EMX2: variants seen among roughly 807,000 people sequenced by gnomAD.
The protein encoded by EMX2 is empty spiracles homeobox 2.
A neutral mutation model predicts 23.0 loss-of-function variants in EMX2; 6 were observed. The observed-to-expected ratio is 0.26, with a 90% CI of 0.14 to 0.52. The LOEUF (loss-of-function observed/expected upper bound fraction) is 0.52, where lower values mean the gene tolerates loss of function less well. Ranked by LOEUF, EMX2 falls within the 20% of genes least tolerant of loss-of-function variation. The pLI, the probability that EMX2 is intolerant of heterozygous loss-of-function variation, is 0.97. For missense variants in EMX2, 302 were observed against 341.4 expected (o/e 0.88, Z 0.91); for synonymous variants, 175 against 153.3 (o/e 1.14, Z -1.04).
chr10:117,548,599 G>T lies in EMX2; in HGVS notation c.*367G>T. 2.0e-6 allele frequency: 1 copy of T among 499,644 alleles called. No individual in the cohort carries two copies. The highest frequency in any genetic ancestry group is 4.0e-5 in the South Asian group (1 of 24,890). 31.0% of individuals were successfully genotyped at this position (499,644 alleles called of 1,614,324 possible). ...AAGCTGAACGTGCACTCTGACAAGG[G>T]GAGCTGTCAATCAAACACCAAACCG... On this transcript the variant is annotated 3_prime_UTR_variant, in exon 3 of 3. Coordinates refer to ENST00000553456, the MANE Select transcript of EMX2 (RefSeq NM_004098.4).
Position 117,548,553 on chromosome 10 carries a change from AG to A in EMX2, c.*322del. 1 of 66,142 alleles carries A rather than the reference AG, an allele frequency of 1.5e-5. No individual in the cohort carries two copies. The highest frequency in any genetic ancestry group is 2.7e-5 in the Non-Finnish European group (1 of 37,486). The allele number at this position is 66,142 out of a possible 1,614,324, so 4.1% of individuals were successfully genotyped here. A position where few individuals can be genotyped will look rare whatever the true frequency, so the allele number is the denominator to read the frequency against. ...GAGAGAGAGAAAGAGAGAGAAAGAG[AG>A]AGAGAGAGAGAGAGAGAGAAAGCTG... On this transcript the variant is annotated 3_prime_UTR_variant, in exon 3 of 3. Transcript: ENST00000553456.
chr10:117,547,929 A>G (rs957376367), intron 2 of EMX2, 136 bp from the exon 3 acceptor site: 13 of 1,269,064 alleles, frequency 1.0e-5, no homozygotes, highest in Admixed American at 2.0e-5. Flanking sequence ...GGGAGGCTGG[A>G]CCTTAGGACT....
Position 117,543,668 on chromosome 10 carries a change from T to G in EMX2, c.401T>G (p.Phe134Cys), listed in dbSNP as rs565883191. Residue 134 changes from phenylalanine (F) to cysteine (C), a missense_variant, in exon 1 of 3, where the codon TTC (phenylalanine) becomes TGC (cysteine). Around this residue, in one of 4 missense-constraint regions of EMX2, gnomAD observed 221 missense variants for 206.8 expected, o/e 1.07. Transcript: ENST00000553456. Reference sequence around the variant, plus strand: ...CGCTACCGATATCTGGGTCATCGCTTCCAAGGTACGTGCCACGTCGCGGAA... The same window carrying G: ...CGCTACCGATATCTGGGTCATCGCTGCCAAGGTACGTGCCACGTCGCGGAA... ...IHRYRYLGHR[F>C]QGNDTSPESF... The G allele has an allele frequency of 3.1e-6, 5 of 1,613,432 alleles. No individual in the cohort carries two copies. The highest frequency in any genetic ancestry group is 1.1e-5 in the South Asian group (1 of 91,074).
chr10:117,546,904 C>G (rs1017719222), intron 2 of EMX2, among the ~76,000 whole-genome samples: 1 of 152,240 alleles, frequency 6.6e-6, no homozygotes, highest in Non-Finnish European at 1.5e-5. Context: ...GAGAGCAAGA[C>G]GGACCGGCCT....
chr10:117,547,094 T>C (rs1846589124), intron 2 of EMX2, among the ~76,000 whole-genome samples: 1 of 152,154 alleles, frequency 6.6e-6, no homozygotes, highest in Non-Finnish European at 1.5e-5. Flanking sequence ...TACTGTCTGG[T>C]GGCTAAATGA....
At chr10:117,544,892 C>G (rs181158316) in intron 1 of EMX2, 47 of 152,310 alleles carry the variant, frequency 3.1e-4, no homozygotes, top group African/African-American at 1.1e-3. Flanking sequence ...CTTATGGTCC[C>G]CTCACCAGAC....
intron 2 of EMX2, 58 bp downstream of exon 2, chr10:117,545,874 G>A (rs564212933): frequency 1.2e-6 from 2 of 1,610,210 alleles, no homozygotes; most frequent in East Asian, 2.2e-5. Flanking sequence ...CCCCAAAGCT[G>A]GCTCCCAAGC....
At chr10:117,545,610 A>T in intron 1 of EMX2, 22 bp from the exon 2 acceptor site, 1 of 1,613,324 alleles carries the variant, frequency 6.2e-7, no homozygotes, top group Non-Finnish European at 8.5e-7. Flanking sequence ...CCCTAATGGG[A>T]TTTCTGCTGT....
At position 117,543,258 on chromosome 10, in the gene EMX2, T is replaced by G; in HGVS notation, c.-10T>G. The G allele has an allele frequency of 6.7e-7, 1 of 1,493,434 alleles. No individual in the cohort carries two copies. 92.5% of individuals were successfully genotyped at this position (1,493,434 alleles called of 1,614,324 possible). A position where few individuals can be genotyped will look rare whatever the true frequency, so the allele number is the denominator to read the frequency against. On this transcript the variant is annotated 5_prime_UTR_variant, in exon 1 of 3. Coordinates refer to ENST00000553456, the MANE Select transcript of EMX2 (RefSeq NM_004098.4). ...GCTGGGAGCCCAGGGCGCCCGCTCCTCGGCGCAGCATGTTCCAGCCGGCGC... is the reference window on the plus strand; with the variant it reads ...GCTGGGAGCCCAGGGCGCCCGCTCCGCGGCGCAGCATGTTCCAGCCGGCGC...
intron 1 of EMX2, among the ~76,000 whole-genome samples, 184 bp from the exon 2 acceptor site, chr10:117,545,448 G>A (rs749685558): frequency 5.0e-4 from 76 of 152,320 alleles, no homozygotes; most frequent in Non-Finnish European, 7.6e-4. Flanking sequence ...CGGCGTTCCG[G>A]GCCGGGCAGC....
rs1846617678 is a variant in EMX2 at position 117,548,749 on chromosome 10, C to T, written c.*517C>T. The T allele has an allele frequency of 2.5e-6, 1 of 405,976 alleles. No homozygotes were observed. The highest frequency in any genetic ancestry group is 4.3e-6 in the Non-Finnish European group (1 of 230,442). The allele number at this position is 405,976 out of a possible 1,614,324, so 25.1% of individuals were successfully genotyped here. A position where few individuals can be genotyped will look rare whatever the true frequency, so the allele number is the denominator to read the frequency against. On this transcript the variant is annotated 3_prime_UTR_variant, in exon 3 of 3. Transcript: ENST00000553456. ...TGTTTTTTGCACTTCGCTGTGTTTCCCCCCCATCTTTAAAAATAATTAGTA... is the reference window on the plus strand; with the variant it reads ...TGTTTTTTGCACTTCGCTGTGTTTCTCCCCCATCTTTAAAAATAATTAGTA...
intron 2 of EMX2, among the ~76,000 whole-genome samples, chr10:117,546,816 A>C (rs1589649791): frequency 6.6e-6 from 1 of 152,160 alleles, no homozygotes; most frequent in East Asian, 1.9e-4. Flanking sequence ...CAATTAGCAA[A>C]CTCAAAGCAA....
chr10:117,545,476 C>G (rs1846563621), intron 1 of EMX2, among the ~76,000 whole-genome samples, 156 bp from the exon 2 acceptor site: 1 of 152,182 alleles, frequency 6.6e-6, no homozygotes, highest in African/African-American at 2.4e-5. Context: ...GCGTTCCCTT[C>G]GTGAGCCCTT....
At position 117,548,560 on chromosome 10, in the gene EMX2, GA is replaced by G; in HGVS notation, c.*329del. On this transcript the variant is annotated 3_prime_UTR_variant, in exon 3 of 3. Coordinates refer to ENST00000553456, the MANE Select transcript of EMX2 (RefSeq NM_004098.4). ...AGAAAGAGAGAGAAAGAGAGAGAGAGAGAGAGAGAGAGAAAGCTGAACGTGC... is the reference window on the plus strand; with the variant it reads ...AGAAAGAGAGAGAAAGAGAGAGAGAGGAGAGAGAGAGAAAGCTGAACGTGC... 1 of 524,196 alleles carries G rather than the reference GA, an allele frequency of 1.9e-6. No homozygotes were observed. Among genetic ancestry groups the G allele is most frequent in the Non-Finnish European group, 3.3e-6 (1 of 300,124 alleles). The allele number at this position is 524,196 out of a possible 1,614,324, so 32.5% of individuals were successfully genotyped here.
At chr10:117,545,860 C>G in intron 2 of EMX2, 44 bp downstream of exon 2, 1 of 1,612,460 alleles carries the variant, frequency 6.2e-7, no homozygotes, top group Non-Finnish European at 8.5e-7. Context: ...GGCGTGCGCC[C>G]CCTCCCCAAA....
In EMX2 at chr10:117,548,189, A is replaced by G. The variant is rs1846605383; in HGVS notation, c.716A>G (p.Lys239Arg). 1 of 1,613,976 alleles carries G rather than the reference A, an allele frequency of 6.2e-7. No homozygotes were observed. ...HHINRWRIAT[K>R]QASPEEIDVT... The stretch of plus-strand genomic sequence containing the variant: ...ATTAACCGGTGGAGAATCGCCACCA[A>G]GCAGGCGAGTCCGGAGGAAATAGAC... Residue 239 changes from lysine (K) to arginine (R), a missense_variant, in exon 3 of 3, where the codon AAG (lysine) becomes AGG (arginine). Coordinates refer to ENST00000553456, the MANE Select transcript of EMX2 (RefSeq NM_004098.4).
chr10:117,543,343 C>T lies in EMX2; in HGVS notation c.76C>T (p.Arg26Cys), dbSNP rs866930422. Reference sequence around the variant, plus strand: ...CAAGGACAGTCCCCTGCCCGCCTCGCGCTCCGAGGACCCCATCCGTCCCGC... The same window carrying T: ...CAAGGACAGTCCCCTGCCCGCCTCGTGCTCCGAGGACCCCATCCGTCCCGC... ...VAKDSPLPAS[R>C]SEDPIRPAAL... The change falls in exon 1 of 3, where the codon CGC becomes TGC. Residue 26 changes from arginine to cysteine, a missense_variant. This residue lies in a region of EMX2 where 221 missense variants were observed against 206.8 expected (regional missense o/e 1.07). Transcript: ENST00000553456. 1 of 1,558,430 alleles carries T rather than the reference C, an allele frequency of 6.4e-7. No homozygotes were observed. The highest frequency in any genetic ancestry group is 8.7e-7 in the Non-Finnish European group (1 of 1,151,688).
At chr10:117,546,216 G>T (rs902923164) in intron 2 of EMX2, among the ~76,000 whole-genome samples, 2 of 152,226 alleles carry the variant, frequency 1.3e-5, no homozygotes, top group Non-Finnish European at 2.9e-5. Context: ...GTGGGTTAAA[G>T]ATGAGTTCTG....
At position 117,543,505 on chromosome 10, in the gene EMX2, A is replaced by G. The variant is rs770506828; in HGVS notation, c.238A>G (p.Asn80Asp). Residue 80 changes from asparagine to aspartate, a missense_variant, in exon 1 of 3, where the codon AAC (asparagine) becomes GAC (aspartate). Asn to Asp is a conservative substitution (Grantham distance 23). Coordinates refer to ENST00000553456, the MANE Select transcript of EMX2 (RefSeq NM_004098.4). ...CGCCGAGGCGGTCTCGCACCCGCCCAACCCCGCCGTGCCAGTGCACCCGGT... is the reference window on the plus strand; with the variant it reads ...CGCCGAGGCGGTCTCGCACCCGCCCGACCCCGCCGTGCCAGTGCACCCGGT... ...VFAEAVSHPP[N>D]PAVPVHPVPP... 1 of 1,240,328 alleles carries G rather than the reference A, an allele frequency of 8.1e-7. No individual in the cohort carries two copies. Among genetic ancestry groups the G allele is most frequent in the Non-Finnish European group, 1.1e-6 (1 of 926,772 alleles). 76.8% of individuals were successfully genotyped at this position (1,240,328 alleles called of 1,614,324 possible).
Sources: allele counts gnomAD v4.1 joint callset (sites outside exome capture counted in the v4.1 genomes callset), GRCh38; gene constraint gnomAD v4.1.1; regional missense constraint gnomAD v4.1.1; transcripts MANE v1.5; gene names NCBI Gene and HGNC (gene_info 2026-07-23, HGNC 2026-07-21).